PDE1C: variants seen among roughly 807,000 people sequenced by gnomAD.
PDE1C encodes phosphodiesterase 1C.
In PDE1C, 62 loss-of-function variants were observed where a neutral mutation model predicts 93.1. The ratio of observed to expected loss-of-function variants is 0.67; its 90% CI spans 0.54 to 0.82. The LOEUF is 0.82. Among genes scored for constraint, PDE1C ranks in the 40% least tolerant of loss-of-function variants. PDE1C has a pLI of 0.00. For synonymous variants in PDE1C, 325 were observed against 310.1 expected, an observed-to-expected ratio of 1.05 and a Z score of -0.50; for missense variants, 742 against 884.6, an observed-to-expected ratio of 0.84 and a Z score of 2.04.
intron 3 of PDE1C, among the ~76,000 whole-genome samples, chr7:32,109,889 C>G (rs1423221923): frequency 6.6e-6 from 1 of 152,040 alleles, no homozygotes; most frequent in Non-Finnish European, 1.5e-5. Context: ...ACTGCACAGT[C>G]AAGATGAAAC....
upstream of PDE1C, among the ~76,000 whole-genome samples, chr7:32,304,073 C>G (rs1812940351): frequency 6.6e-6 from 1 of 152,158 alleles, no homozygotes; most frequent in Non-Finnish European, 1.5e-5. Context: ...CTGGAATTGT[C>G]TTTCCCCTCA....
At chr7:32,288,413 A>G (rs1812136511) in intron 1 of PDE1C, among the ~76,000 whole-genome samples, 1 of 152,216 alleles carries the variant, frequency 6.6e-6, no homozygotes, top group Non-Finnish European at 1.5e-5. Context: ...CACTAAGACC[A>G]GGCTTACAGT....
chr7:31,979,596 C>A (rs1042431149), intron 2 of PDE1C, among the ~76,000 whole-genome samples: 2 of 152,130 alleles, frequency 1.3e-5, no homozygotes, highest in Admixed American at 6.5e-5. Flanking sequence ...GGATTCAAAC[C>A]CACGCAGTCT....
At position 31,753,508 on chromosome 7, in the gene PDE1C, G is replaced by C; in HGVS notation, c.2006C>G (p.Ser669Cys). Residue 669 changes from serine (S) to cysteine (C), a missense_variant, in exon 18 of 18, where the codon TCT becomes TGT. Physicochemically the swap from Ser to Cys is moderately radical, Grantham distance 112. Around this residue, in one of 4 missense-constraint regions of PDE1C, gnomAD observed 454 missense variants for 459.4 expected, o/e 0.99. Coordinates refer to ENST00000396191, the MANE Select transcript of PDE1C (RefSeq NM_001191057.4). Reference protein sequence around the residue: ...LRHFKRPAYASSSYAPSVSKK... With the variant: ...LRHFKRPAYACSSYAPSVSKK... ...TGAGACTGAAGGTGCATAGGAGCTA[G>C]ATGCGTAAGCAGGGCGTTTAAAATG... 1.2e-6 allele frequency: 2 copies of C among 1,612,320 alleles called. No homozygotes were observed. The highest frequency in any genetic ancestry group is 1.7e-6 in the Non-Finnish European group (2 of 1,179,624).
chr7:31,671,806 T>C, the PDE1C span, among the ~76,000 whole-genome samples: 2 of 152,066 alleles, frequency 1.3e-5, no homozygotes, highest in Non-Finnish European at 2.9e-5. Flanking sequence ...GATTGTCAAA[T>C]CTCTCAGGGA....
intron 1 of PDE1C, among the ~76,000 whole-genome samples, chr7:32,376,357 A>C (rs1784432141): frequency 6.6e-6 from 1 of 152,232 alleles, no homozygotes; most frequent in South Asian, 2.1e-4. Context: ...AATTTCATGC[A>C]TAAAGTAAGA....
At chr7:32,198,119 A>G (rs1348565751) in intron 2 of PDE1C, among the ~76,000 whole-genome samples, 1 of 152,176 alleles carries the variant, frequency 6.6e-6, no homozygotes, top group African/African-American at 2.4e-5. Context: ...CCTGAGGTAT[A>G]TCCTTTAGCA....
intron 2 of PDE1C, among the ~76,000 whole-genome samples, chr7:31,956,543 C>T (rs1367078294): frequency 6.6e-6 from 1 of 150,920 alleles, no homozygotes; most frequent in Non-Finnish European, 1.5e-5. Flanking sequence ...CCTAAGCAAA[C>T]AGGCAGACGA....
chr7:32,109,468 G>A (rs192099599), intron 3 of PDE1C, among the ~76,000 whole-genome samples: 109 of 152,264 alleles, frequency 7.2e-4, no homozygotes, highest in African/African-American at 2.5e-3. Flanking sequence ...CACTACTGAT[G>A]TTTTAAATTG....
the PDE1C span, among the ~76,000 whole-genome samples, chr7:31,618,662 T>C: frequency 7.1e-6 from 1 of 140,426 alleles, no homozygotes; most frequent in African/African-American, 3.2e-5. Flanking sequence ...CCCATAATTA[T>C]AGTTGAGTAT....
chr7:31,640,629 T>C, the PDE1C span, among the ~76,000 whole-genome samples: 2 of 151,918 alleles, frequency 1.3e-5, no homozygotes, highest in African/African-American at 4.8e-5. Flanking sequence ...CTGAGGTCCA[T>C]TGTCTCGAAA....
intron 2 of PDE1C, among the ~76,000 whole-genome samples, chr7:32,193,615 T>G (rs938383262): frequency 6.6e-6 from 1 of 152,168 alleles, no homozygotes; most frequent in African/African-American, 2.4e-5. Flanking sequence ...TTTTTCTCTT[T>G]TTGTACTGTC....
chr7:31,743,608 C>CA, the PDE1C span, among the ~76,000 whole-genome samples: 4 of 151,444 alleles, frequency 2.6e-5, no homozygotes, highest in African/African-American at 9.7e-5. Flanking sequence ...TTCTGTTCTG[C>CA]AAAAAAGTAA....
At position 31,874,196 on chromosome 7, in the gene PDE1C, T is replaced by C. The variant is rs1274213800; in HGVS notation, c.493-788A>G. Among the ~76,000 whole-genome samples, 4 of 152,234 alleles carry C rather than the reference T, an allele frequency of 2.6e-5. No individual in the cohort carries two copies. The East Asian group carries it at 7.7e-4, about 29-fold the overall frequency. On this transcript the variant is annotated intron_variant, in intron 5 of 17. Coordinates refer to ENST00000396191, the MANE Select transcript of PDE1C (RefSeq NM_001191057.4). ...AACTAAACTGAACACACACCTTATA[T>C]ACCATCCCTGAAGTTCAAAGTCTTT...
intron 17 of PDE1C, among the ~76,000 whole-genome samples, chr7:31,757,810 G>T (rs1414652868): frequency 1.3e-5 from 2 of 152,134 alleles, no homozygotes; most frequent in African/African-American, 4.8e-5. Flanking sequence ...TATACCCAAA[G>T]GATTATAAAT....
chr7:32,112,819 TG>T (rs1798726262), intron 3 of PDE1C, among the ~76,000 whole-genome samples: 2 of 90,294 alleles, frequency 2.2e-5, no homozygotes, highest in Non-Finnish European at 4.2e-5. Context: ...TGTGTGTGTG[TG>T]TGTGTGTGTG....
At chr7:32,223,321 A>G (rs1437846696) in intron 1 of PDE1C, among the ~76,000 whole-genome samples, 2 of 152,224 alleles carry the variant, frequency 1.3e-5, no homozygotes, top group Non-Finnish European at 2.9e-5. Context: ...TACATGTGCA[A>G]ACTCATGCAG....
intron 1 of PDE1C, among the ~76,000 whole-genome samples, chr7:32,307,155 G>C (rs75847742): frequency 1.3e-5 from 2 of 152,102 alleles, no homozygotes; most frequent in Admixed American, 6.5e-5. Flanking sequence ...CAAATTCTCA[G>C]TGACCTAACA....
rs565680012 is a variant in PDE1C, at chr7:31,801,936, A to G, written c.1891+7095T>C. ...ATACAAGTGTAATTTTGTTGCATTA[A>G]TATGTTTAATAGTGGTGAAGTCAGG... On this transcript the variant is annotated intron_variant, in intron 16 of 17. Transcript: ENST00000396191. Among the ~76,000 whole-genome samples, 4 of 151,622 alleles carry G rather than the reference A, an allele frequency of 2.6e-5. No homozygotes were observed. The South Asian group carries it at 6.2e-4, about 24-fold the overall frequency.
Sources: gnomAD v4.1 joint callset for allele counts (sites outside exome capture counted in the v4.1 genomes callset) on GRCh38, gnomAD v4.1.1 for gene constraint, gnomAD v4.1.1 regional missense constraint, MANE v1.5 for transcripts, NCBI Gene and HGNC (gene_info 2026-07-23, HGNC 2026-07-21) for gene names.